Variants in IL1RAPL2 observed in about 807,000 individuals in gnomAD.
IL1RAPL2 encodes the protein X-linked interleukin-1 receptor accessory protein-like 2.
IL1RAPL2 carries 3 observed loss-of-function variants against 44.1 expected under a neutral mutation model. The ratio of observed to expected loss-of-function variants is 0.07; its 90% confidence interval spans 0.03 to 0.18. The LOEUF is 0.18. IL1RAPL2 is among the 10% of genes least tolerant of loss of function. The pLI is 1.00. For synonymous variants in IL1RAPL2, 181 were observed against 178.8 expected (o/e 1.01, Z -0.10); for missense variants, 391 against 496.4 (o/e 0.79, Z 2.02).
intron 2 of IL1RAPL2, among the ~76,000 whole-genome samples, chrX:104,692,598 G>A (rs1217099704): frequency 9.1e-6 from 1 of 109,486 alleles, no homozygotes; most frequent in Non-Finnish European, 1.9e-5. Flanking sequence ...GAGAATATGC[G>A]GGTTTCTGTC....
At position 105,247,263 on chromosome X, in the gene IL1RAPL2, A is replaced by T. The variant is rs764132733; in HGVS notation, c.543+13259A>T. ...GGGTCACTTATCCAACATGTGGCCA[A>T]TTAGATTCAAACGCTGAAATTCTGA... On this transcript the variant is annotated intron_variant, in intron 4 of 10. Coordinates refer to ENST00000372582, the MANE Select transcript of IL1RAPL2 (RefSeq NM_017416.2). Among the ~76,000 whole-genome samples the T allele has an allele frequency of 1.4e-4, 15 of 110,907 alleles. No homozygotes were observed. In the East Asian group the frequency reaches 2.6e-3, roughly 19 times the overall value.
chrX:104,828,517 G>A (rs759437672), intron 2 of IL1RAPL2, among the ~76,000 whole-genome samples: 1 of 111,611 alleles, frequency 9.0e-6, no homozygotes, highest in East Asian at 2.8e-4. Flanking sequence ...TCCCAGAGGG[G>A]CACCTGCCAG....
chrX:105,063,280 AG>A (rs2032097441), intron 2 of IL1RAPL2, among the ~76,000 whole-genome samples: 1 of 112,236 alleles, frequency 8.9e-6, no homozygotes, highest in Non-Finnish European at 1.9e-5. Flanking sequence ...CTCTTTGTTA[AG>A]TTCATTTGAT....
At chrX:105,364,339 G>A (rs972176985) in intron 5 of IL1RAPL2, among the ~76,000 whole-genome samples, 3 of 111,251 alleles carry the variant, frequency 2.7e-5, no homozygotes, top group African/African-American at 9.8e-5. Context: ...AGTATATTTT[G>A]AAATCAGGCA....
At chrX:105,275,773 A>C (rs1199018545) in intron 5 of IL1RAPL2, among the ~76,000 whole-genome samples, 2 of 111,557 alleles carry the variant, frequency 1.8e-5, no homozygotes, top group Admixed American at 1.9e-4. Flanking sequence ...AGAGTTTAAA[A>C]CAATGACCCT....
rs747906733 is a variant in IL1RAPL2, at chrX:104,795,093, CAGA to C, written c.82+136105_82+136107del. 6.2e-3 allele frequency among the ~76,000 whole-genome samples: 686 copies of C among 111,536 alleles called. 5 individuals carry two copies. The highest frequency in any genetic ancestry group is 0.021 in the African/African-American group (654 of 30,625). ...TCATAGGAAAGTATAAAGTGGTTTA[CAGA>C]AGAAGATTTGGAAGCCAAGTTCCCA... On this transcript the variant is annotated intron_variant, in intron 2 of 10. Coordinates refer to ENST00000372582, the MANE Select transcript of IL1RAPL2 (RefSeq NM_017416.2).
intron 1 of IL1RAPL2, among the ~76,000 whole-genome samples, chrX:104,623,919 C>G (rs1409995569): frequency 9.0e-6 from 1 of 111,445 alleles, no homozygotes; most frequent in Non-Finnish European, 1.9e-5. Context: ...AACAATTTAC[C>G]AAACAAGTAC....
At chrX:105,082,381 T>C in intron 2 of IL1RAPL2, among the ~76,000 whole-genome samples, 2 of 111,992 alleles carry the variant, frequency 1.8e-5, no homozygotes, top group Non-Finnish European at 3.8e-5. Context: ...TCTTTGTTAA[T>C]CTGGCTAGCG....
chrX:105,011,786 G>A (rs2031052646), intron 2 of IL1RAPL2, among the ~76,000 whole-genome samples: 1 of 110,743 alleles, frequency 9.0e-6, no homozygotes, highest in Non-Finnish European at 1.9e-5. Flanking sequence ...TAGTCCTTGT[G>A]TGGATATACA....
At chrX:104,909,763 A>T (rs1186179424) in intron 2 of IL1RAPL2, among the ~76,000 whole-genome samples, 1 of 112,281 alleles carries the variant, frequency 8.9e-6, no homozygotes, top group East Asian at 2.8e-4. Context: ...TCAGACAGGG[A>T]CATTTAAGTC....
chrX:104,667,638 T>C lies in IL1RAPL2; in HGVS notation c.82+8643T>C, dbSNP rs775292991. 6.3e-5 allele frequency among the ~76,000 whole-genome samples: 7 copies of C among 111,430 alleles called. No individual in the cohort carries two copies. The South Asian group carries it at 2.7e-3, about 42-fold the overall frequency. On this transcript the variant is annotated intron_variant, in intron 2 of 10. Coordinates refer to ENST00000372582, the MANE Select transcript of IL1RAPL2 (RefSeq NM_017416.2). The stretch of plus-strand genomic sequence containing the variant: ...TTGTCTGACCCCAGAGTCCTGCTCT[T>C]AATCACTCGTCCATGTTGTGCCTTT...
intron 1 of IL1RAPL2, among the ~76,000 whole-genome samples, chrX:104,568,290 G>A (rs753230882): frequency 1.7e-4 from 19 of 111,475 alleles, no homozygotes; most frequent in African/African-American, 6.2e-4. Context: ...GTAAGGGAGG[G>A]AGGGAGGAAA....
intron 5 of IL1RAPL2, among the ~76,000 whole-genome samples, chrX:105,391,074 T>G (rs762630422): frequency 2.4e-4 from 27 of 111,846 alleles, no homozygotes; most frequent in African/African-American, 8.8e-4. Flanking sequence ...GCAAGGTAGT[T>G]GTTTTTATCC....
At chrX:104,870,984 C>A (rs1427358021) in intron 2 of IL1RAPL2, among the ~76,000 whole-genome samples, 1 of 110,606 alleles carries the variant, frequency 9.0e-6, no homozygotes, top group Non-Finnish European at 1.9e-5. Context: ...AATTATGTAA[C>A]CAGCTTCTTT....
chrX:104,634,704 T>C (rs183675968), intron 1 of IL1RAPL2, among the ~76,000 whole-genome samples: 4 of 111,724 alleles, frequency 3.6e-5, no homozygotes, highest in African/African-American at 1.3e-4. Flanking sequence ...TTGGTAGATA[T>C]TCCTCCATCC....
chrX:105,662,233 ATACT>A (rs1212741451), intron 6 of IL1RAPL2, among the ~76,000 whole-genome samples: 3 of 112,284 alleles, frequency 2.7e-5, no homozygotes, highest in Non-Finnish European at 3.8e-5. Context: ...TCTTCCAGTG[ATACT>A]TACAGAATGC....
chrX:105,072,619 A>G (rs2032222524), intron 2 of IL1RAPL2, among the ~76,000 whole-genome samples: 1 of 111,360 alleles, frequency 9.0e-6, no homozygotes, highest in Non-Finnish European at 1.9e-5. Context: ...AATTGGAGAA[A>G]AGATCACTCT....
At chrX:104,793,426 G>A (rs767004383) in intron 2 of IL1RAPL2, among the ~76,000 whole-genome samples, 2 of 111,873 alleles carry the variant, frequency 1.8e-5, no homozygotes, top group African/African-American at 6.5e-5. Flanking sequence ...TAAGTGTTCT[G>A]TAGAGAAAGG....
At chrX:105,031,602 G>T (rs1037209753) in intron 2 of IL1RAPL2, among the ~76,000 whole-genome samples, 24 of 111,697 alleles carry the variant, frequency 2.1e-4, no homozygotes, top group African/African-American at 6.5e-4. Flanking sequence ...GCCCACTTGA[G>T]CATGGTGTAT....
Sources: allele counts gnomAD v4.1 joint callset (sites outside exome capture counted in the v4.1 genomes callset), GRCh38; gene constraint gnomAD v4.1.1; transcripts MANE v1.5; gene names NCBI Gene and HGNC (gene_info 2026-07-23, HGNC 2026-07-21).